LILRA4: variants seen among roughly 807,000 people sequenced by gnomAD.
LILRA4 encodes the protein leukocyte immunoglobulin-like receptor subfamily A member 4.
LILRA4 carries 51 observed loss-of-function variants against 49.5 expected under a neutral mutation model. The observed-to-expected ratio is 1.03, with a 90% confidence interval of 0.82 to 1.30. LILRA4 has a LOEUF of 1.30. Among genes scored for constraint, LILRA4 ranks in the 50% most tolerant of loss-of-function variants. The pLI, the probability that LILRA4 is intolerant of heterozygous loss-of-function variation, is 0.00. For synonymous variants in LILRA4, 272 were observed against 265.6 expected (o/e 1.02, Z -0.23); for missense variants, 624 against 625.6 (o/e 1.00, Z 0.03).
In LILRA4 at chr19:54,339,139, C is replaced by T. The variant is rs778091689; in HGVS notation, c.-46G>A. On this transcript the variant is annotated 5_prime_UTR_variant, in exon 1 of 8. In the 5' UTR this introduces an upstream ATG that the reference lacks. Transcript: ENST00000291759. ...CTGGCTGTGCAGGCAGGTGTGGCCA[C>T]GGTGCCCGTAGACACAGACAGACAC... is the stretch of plus-strand genomic sequence containing the variant. The T allele has an allele frequency of 1.6e-5, 25 of 1,611,506 alleles. No homozygotes were observed. The highest frequency in any genetic ancestry group is 9.4e-5 in the African/African-American group (7 of 74,852).
chr19:54,337,914 G>A (rs761981939), intron 4 of LILRA4, 22 bp downstream of exon 4: 1 of 1,590,920 alleles, frequency 6.3e-7, no homozygotes, highest in Non-Finnish European at 8.6e-7. Context: ...CTTTGTATAA[G>A]GAAAAGCTAC....
chr19:54,337,585 TAC>T lies in LILRA4; in HGVS notation c.765_766del (p.Tyr256GlnfsTer54). 10 of 1,613,546 alleles carry T rather than the reference TAC, an allele frequency of 6.2e-6. No homozygotes were observed. The highest frequency in any genetic ancestry group is 8.5e-6 in the Non-Finnish European group (10 of 1,179,896). The stretch of plus-strand genomic sequence containing the variant: ...GGGGAGGCCATCGGCCCCCTCCTTG[TAC>T]AGAGTGTATCTGATGTAGCCGACAT... On this transcript the variant is annotated frameshift_variant, in exon 5 of 8. Transcript: ENST00000291759. LOFTEE classifies it high-confidence loss of function.
rs888260864 is a variant in LILRA4, at chr19:54,338,279, A to G, written c.356-44T>C. 6 of 1,591,804 alleles carry G rather than the reference A, an allele frequency of 3.8e-6. No homozygotes were observed. In the South Asian group the frequency reaches 4.5e-5, roughly 12 times the overall value. ...GCAGCCGTGTTTAAATGGGGCTCAC[A>G]CCTCCCACCTTATCCTACAAGGCTG... On this transcript the variant is annotated intron_variant, in intron 3 of 7. Coordinates refer to ENST00000291759, the MANE Select transcript of LILRA4 (RefSeq NM_012276.5).
At chr19:54,338,996 C>G (rs1281783985) in intron 1 of LILRA4, 64 bp downstream of exon 1, 1 of 1,612,552 alleles carries the variant, frequency 6.2e-7, no homozygotes, top group African/African-American at 1.3e-5. Context: ...TTGACTAAGG[C>G]ATGGCTATGG....
At position 54,338,008 on chromosome 19, in the gene LILRA4, A is replaced by G. The variant is rs1309508690; in HGVS notation, c.583T>C (p.Cys195Arg). The change falls in exon 4 of 8, where the codon TGC becomes CGC. Residue 195 changes from cysteine (C) to arginine (R), a missense_variant. Coordinates refer to ENST00000291759, the MANE Select transcript of LILRA4 (RefSeq NM_012276.5). ...LTFSNRGTFR[C>R]YGYENNTPYV... ...GGGGTGTTGTTTTCATAGCCGTAGC[A>G]TCTGAATGTACCCCTGTTGCTGAAG... is the stretch of plus-strand genomic sequence containing the variant. 2 of 1,614,036 alleles carry G rather than the reference A, an allele frequency of 1.2e-6. No individual in the cohort carries two copies. The highest frequency in any genetic ancestry group is 8.5e-7 in the Non-Finnish European group (1 of 1,179,994).
In LILRA4 at chr19:54,333,930, A is replaced by G; in HGVS notation, c.1291T>C (p.Ser431Pro). 1 of 1,614,022 alleles carries G rather than the reference A, an allele frequency of 6.2e-7. No homozygotes were observed. Among genetic ancestry groups the G allele is most frequent in the Non-Finnish European group, 8.5e-7 (1 of 1,179,926 alleles). The change falls in exon 7 of 8, where the codon TCA (serine) becomes CCA (proline). Residue 431 changes from serine to proline, a missense_variant. Coordinates refer to ENST00000291759, the MANE Select transcript of LILRA4 (RefSeq NM_012276.5). ...TETLNPAQKKSDSKTAPHLQD... is the reference protein window; with the variant it reads ...TETLNPAQKKPDSKTAPHLQD... The stretch of plus-strand genomic sequence containing the variant: ...CCTCACTCACCAGTCTTGGAATCTG[A>G]CTTCTTTTGTGCTGGATTGAGGGTC...
In LILRA4 at chr19:54,333,863, G is replaced by A; in HGVS notation, c.1306+52C>T. The A allele has an allele frequency of 7.5e-6, 12 of 1,610,652 alleles. No homozygotes were observed. In the South Asian group the frequency reaches 1.3e-4, roughly 18 times the overall value. Reference sequence around the variant, plus strand: ...CCAGGGTACCCACCTCCCCTTGACAGGACCTGACCCTCTGTGCCCAGCCCC... The same window carrying A: ...CCAGGGTACCCACCTCCCCTTGACAAGACCTGACCCTCTGTGCCCAGCCCC... On this transcript the variant is annotated intron_variant, in intron 7 of 7. Coordinates refer to ENST00000291759, the MANE Select transcript of LILRA4 (RefSeq NM_012276.5).
At chr19:54,336,403 G>GTA in intron 6 of LILRA4, 5 of 214,192 alleles carry the variant, frequency 2.3e-5, no homozygotes, top group Admixed American at 5.1e-5. Context: ...GGGAGCAGGT[G>GTA]GGGCCTCCGT....
In LILRA4 at chr19:54,338,081, T is replaced by C. The variant is rs2081351777; in HGVS notation, c.510A>G (p.Gln170=). The change falls in exon 4 of 8, where the codon CAA becomes CAG. Residue 170 remains glutamine, a synonymous_variant. Coordinates refer to ENST00000291759, the MANE Select transcript of LILRA4 (RefSeq NM_012276.5). ...HRLSWTLNSH[Q]HNHGKFQALF... is the part of the protein sequence containing the mutation. ...GGGCCTGGAACTTTCCATGGTTGTG[T>C]TGGTGTGAGTTCAGGGTCCAGGAGA... The C allele has an allele frequency of 6.2e-7, 1 of 1,614,058 alleles. No homozygotes were observed. Among genetic ancestry groups the C allele is most frequent in the African/African-American group, 1.3e-5 (1 of 75,004 alleles).
At position 54,333,482 on chromosome 19, in the gene LILRA4, C is replaced by T; in HGVS notation, c.*90G>A. 6.2e-6 allele frequency: 8 copies of T among 1,289,858 alleles called. 1 individual carries two copies. The highest frequency in any genetic ancestry group is 6.7e-6 in the Non-Finnish European group (6 of 900,130). 79.9% of individuals were successfully genotyped at this position (1,289,858 alleles called of 1,614,324 possible). A position where few individuals can be genotyped will look rare whatever the true frequency, so the allele number is the denominator to read the frequency against. ...TCTTCTACAGACACCCAGACATCTTCCTGCACCTGACCCATGCTTCTTCCC... is the reference window on the plus strand; with the variant it reads ...TCTTCTACAGACACCCAGACATCTTTCTGCACCTGACCCATGCTTCTTCCC... On this transcript the variant is annotated 3_prime_UTR_variant, in exon 8 of 8. Transcript: ENST00000291759.
chr19:54,336,878 C>G lies in LILRA4; in HGVS notation c.1218G>C (p.Leu406=), dbSNP rs200134720. The G allele has an allele frequency of 6.2e-7, 1 of 1,614,240 alleles. No individual in the cohort carries two copies. The highest frequency in any genetic ancestry group is 2.2e-5 in the East Asian group (1 of 44,882). ...YGSRSSNPYL[L]SHPSEPLELV... ...GCTCCAGGGGCTCACTGGGGTGAGACAGCAGGTAGGGGTTGGAGCTGCGTG... is the reference window on the plus strand; with the variant it reads ...GCTCCAGGGGCTCACTGGGGTGAGAGAGCAGGTAGGGGTTGGAGCTGCGTG... Residue 406 remains leucine (L), a synonymous_variant, in exon 6 of 8, where the codon CTG becomes CTC. Coordinates refer to ENST00000291759, the MANE Select transcript of LILRA4 (RefSeq NM_012276.5).
intron 7 of LILRA4, 60 bp downstream of exon 7, chr19:54,333,855 C>T (rs1356484485): frequency 1.2e-6 from 2 of 1,610,782 alleles, no homozygotes; most frequent in African/African-American, 1.3e-5. Context: ...ACCCACCTCC[C>T]CTTGACAGGA....
In LILRA4 at chr19:54,339,130, G is replaced by A. The variant is rs748253120; in HGVS notation, c.-37C>T. On this transcript the variant is annotated 5_prime_UTR_variant, in exon 1 of 8. Transcript: ENST00000291759. ...CTCCTGGCCCTGGCTGTGCAGGCAG[G>A]TGTGGCCACGGTGCCCGTAGACACA... 5.0e-6 allele frequency: 8 copies of A among 1,613,808 alleles called. No homozygotes were observed. The highest frequency in any genetic ancestry group is 5.1e-6 in the Non-Finnish European group (6 of 1,179,672).
intron 5 of LILRA4, 96 bp downstream of exon 5, chr19:54,337,304 C>A: frequency 6.4e-7 from 1 of 1,552,972 alleles, no homozygotes; most frequent in Non-Finnish European, 8.7e-7. Context: ...TCCCTTAGGA[C>A]CCCCACCCCT....
In LILRA4 at chr19:54,333,856, C is replaced by G. The variant is rs966253391; in HGVS notation, c.1306+59G>C. ...TGTCCACCCAGGGTACCCACCTCCC[C>G]TTGACAGGACCTGACCCTCTGTGCC... On this transcript the variant is annotated intron_variant, in intron 7 of 7. Transcript: ENST00000291759. 5.6e-6 allele frequency: 9 copies of G among 1,611,136 alleles called. No individual in the cohort carries two copies. In the African/African-American group the frequency reaches 1.2e-4, roughly 22 times the overall value.
At position 54,337,088 on chromosome 19, in the gene LILRA4, T is replaced by G; in HGVS notation, c.1008A>C (p.Ser336=). ...GACACAGCAGGGTCACCTTCTCTCC[T>G]GAGGTCACCGTGGGGCCCGGCTGCA... ...LSVQPGPTVT[S]GEKVTLLCQS... The change falls in exon 6 of 8, where the codon TCA becomes TCC. Residue 336 remains serine (S), a synonymous_variant. Coordinates refer to ENST00000291759, the MANE Select transcript of LILRA4 (RefSeq NM_012276.5). The G allele has an allele frequency of 1.2e-6, 2 of 1,613,948 alleles. No individual in the cohort carries two copies. Among genetic ancestry groups the G allele is most frequent in the Non-Finnish European group, 1.7e-6 (2 of 1,179,946 alleles).
rs941352682 is a variant in LILRA4 at position 54,336,606 on chromosome 19, C to T, written c.1255+235G>A. ...CCATGTATTTCCACCCTTCCATGGG[C>T]TGGGCCCTCCCCTGTGGACCCTCCC... On this transcript the variant is annotated intron_variant, in intron 6 of 7. Coordinates refer to ENST00000291759, the MANE Select transcript of LILRA4 (RefSeq NM_012276.5). 1.0e-5 allele frequency: 7 copies of T among 676,728 alleles called. No homozygotes were observed. The African/African-American group carries it at 1.3e-4, about 12-fold the overall frequency. 41.9% of individuals were successfully genotyped at this position (676,728 alleles called of 1,614,324 possible). A position where few individuals can be genotyped will look rare whatever the true frequency, so the allele number is the denominator to read the frequency against.
At chr19:54,335,944 A>G (rs2081318671) in intron 6 of LILRA4, 1 of 152,220 alleles carries the variant, frequency 6.6e-6, no homozygotes, top group Non-Finnish European at 1.5e-5. Flanking sequence ...TGGGCTTACA[A>G]TTTGGAAATA....
chr19:54,338,452 T>C lies in LILRA4; in HGVS notation c.299A>G (p.Tyr100Cys). 2 of 1,614,150 alleles carry C rather than the reference T, an allele frequency of 1.2e-6. No individual in the cohort carries two copies. The change falls in exon 3 of 8, where the codon TAT becomes TGT. Residue 100 changes from tyrosine to cysteine, a missense_variant. Coordinates refer to ENST00000291759, the MANE Select transcript of LILRA4 (RefSeq NM_012276.5). ...CTCTGACCAGCCTGCAGGGCTCTGA[T>C]AGTAACAGTGATATCGCCCTGCATG... is the stretch of plus-strand genomic sequence containing the variant. ...WEHAGRYHCY[Y>C]QSPAGWSEPS...
Sources: allele counts gnomAD v4.1 joint callset, GRCh38; gene constraint gnomAD v4.1.1; transcripts MANE v1.5; gene names NCBI Gene and HGNC (gene_info 2026-07-23, HGNC 2026-07-21).